The following ADD2 variants were observed in gnomAD, a reference collection of about 807,000 sequenced individuals.
ADD2 encodes adducin 2, also known as beta-adducin.
ADD2 carries 23 observed loss-of-function variants against 83.0 expected under a neutral mutation model. That is an observed-to-expected ratio of 0.28 (90% CI 0.20 to 0.39). ADD2 has a LOEUF of 0.39. Among genes scored for constraint, ADD2 ranks in the 10% least tolerant of loss-of-function variants. The pLI is 1.00. For synonymous variants in ADD2, 375 were observed against 375.4 expected (o/e 1.00, Z 0.01); for missense variants, 758 against 944.9 (o/e 0.80, Z 2.59).
At chr2:70,720,294 G>A (rs1672672704) in intron 1 of ADD2, among the ~76,000 whole-genome samples, 1 of 152,150 alleles carries the variant, frequency 6.6e-6, no homozygotes, top group South Asian at 2.1e-4. Context: ...CCCAGAGAGA[G>A]GAGATGGTGG....
chr2:70,696,165 G>A (rs1671297143), intron 5 of ADD2, 80 bp downstream of exon 5: 6 of 1,530,688 alleles, frequency 3.9e-6, no homozygotes, highest in Non-Finnish European at 5.3e-6. Flanking sequence ...CCATGGCCAT[G>A]CCAAGGGTCA....
At chr2:70,722,923 T>C (rs2104442791) in intron 1 of ADD2, among the ~76,000 whole-genome samples, 1 of 152,328 alleles carries the variant, frequency 6.6e-6, no homozygotes, top group East Asian at 1.9e-4. Flanking sequence ...CTAGTTCCCA[T>C]CCCCTATATT....
chr2:70,744,298 T>C (rs1202274841), intron 1 of ADD2, among the ~76,000 whole-genome samples: 1 of 152,244 alleles, frequency 6.6e-6, no homozygotes, highest in Non-Finnish European at 1.5e-5. Flanking sequence ...TGGGCAATTA[T>C]GTAACAGAAT....
intron 1 of ADD2, among the ~76,000 whole-genome samples, chr2:70,720,387 C>A (rs1006753615): frequency 3.2e-5 from 4 of 124,438 alleles, no homozygotes; most frequent in Non-Finnish European, 5.0e-5. Flanking sequence ...CATGTGGAGA[C>A]ATCTCAAAAG....
intron 14 of ADD2, among the ~76,000 whole-genome samples, chr2:70,674,034 A>G (rs1416743050): frequency 2.0e-5 from 3 of 152,120 alleles, no homozygotes; most frequent in African/African-American, 4.8e-5. Flanking sequence ...TGTGTCTCAG[A>G]CCCCAAGTGG....
chr2:70,674,785 G>A lies in ADD2; in HGVS notation c.1634C>T (p.Thr545Ile). Residue 545 changes from threonine (T) to isoleucine (I), a missense_variant, in exon 14 of 16, where the codon ACC becomes ATC. By Grantham distance (89) the Thr-to-Ile change is moderately conservative. Coordinates refer to ENST00000264436, the MANE Select transcript of ADD2 (RefSeq NM_001617.4). The stretch of plus-strand genomic sequence containing the variant: ...CACCGTCTCCTCTGAATCGTCTTTG[G>A]TATCCTCGTCTCCCTTGGACATCAG... The part of the protein sequence containing the change: ...SQLMSKGDED[T>I]KDDSEETVPN... 2 of 1,614,094 alleles carry A rather than the reference G, an allele frequency of 1.2e-6. No individual in the cohort carries two copies. The highest frequency in any genetic ancestry group is 1.7e-6 in the Non-Finnish European group (2 of 1,180,008).
intron 1 of ADD2, among the ~76,000 whole-genome samples, chr2:70,764,470 C>T (rs2104570408): frequency 6.6e-6 from 1 of 151,968 alleles, no homozygotes; most frequent in South Asian, 2.1e-4. Context: ...ACTATTCCAA[C>T]TCCCCTTCCC....
chr2:70,692,296 C>A, intron 7 of ADD2, 107 bp downstream of exon 7: 1 of 1,306,334 alleles, frequency 7.7e-7, no homozygotes, highest in Non-Finnish European at 1.0e-6. Flanking sequence ...TCTCGCTTCA[C>A]CTTGGCCTGA....
intron 8 of ADD2, 92 bp from the exon 9 acceptor site, chr2:70,688,214 AC>A: frequency 9.8e-7 from 1 of 1,018,518 alleles, no homozygotes; most frequent in Admixed American, 2.2e-5. Context: ...ATCAACTTCC[AC>A]AACCAATCCC....
chr2:70,695,934 C>A (rs143170385), intron 5 of ADD2, 133 bp from the exon 6 acceptor site: 34 of 773,962 alleles, frequency 4.4e-5, no homozygotes, highest in East Asian at 8.1e-5. Context: ...ATCTCTCCCC[C>A]CCAGCCATAA....
chr2:70,747,660 G>A (rs1553382267), intron 1 of ADD2, among the ~76,000 whole-genome samples: 2 of 152,206 alleles, frequency 1.3e-5, no homozygotes, highest in African/African-American at 4.8e-5. Flanking sequence ...CCACAGCATA[G>A]TCACTCAGGC....
rs1553365375 is a variant in ADD2, at chr2:70,663,282, CG to C, written c.*142del. On this transcript the variant is annotated 3_prime_UTR_variant, in exon 16 of 16. Coordinates refer to ENST00000264436, the MANE Select transcript of ADD2 (RefSeq NM_001617.4). ...GGCAACTGTAAAACGAAGGGTTGGT[CG>C]GGTGATCTCTAAGTTCCCCTTCCGA... The C allele has an allele frequency of 1.1e-6, 1 of 951,610 alleles. No individual in the cohort carries two copies. The highest frequency in any genetic ancestry group is 1.7e-5 in the African/African-American group (1 of 60,482). 58.9% of individuals were successfully genotyped at this position (951,610 alleles called of 1,614,324 possible).
intron 15 of ADD2, among the ~76,000 whole-genome samples, chr2:70,664,955 C>T (rs965312470): frequency 6.6e-6 from 1 of 151,470 alleles, no homozygotes; most frequent in African/African-American, 2.4e-5. Flanking sequence ...TGTGAGTGCA[C>T]ATGAGCATAT....
intron 7 of ADD2, among the ~76,000 whole-genome samples, chr2:70,691,241 A>G (rs1485365775): frequency 8.5e-5 from 13 of 152,130 alleles, no homozygotes; most frequent in Non-Finnish European, 1.6e-4. Context: ...CCCACCTCAC[A>G]CACAGCTTTG....
intron 15 of ADD2, among the ~76,000 whole-genome samples, chr2:70,670,346 G>C (rs781873417): frequency 3.3e-5 from 5 of 152,232 alleles, no homozygotes; most frequent in Admixed American, 6.5e-5. Flanking sequence ...CCATCCAGCA[G>C]TGTTTTTAAA....
chr2:70,746,442 G>C (rs1674199314), intron 1 of ADD2, among the ~76,000 whole-genome samples: 1 of 152,154 alleles, frequency 6.6e-6, no homozygotes, highest in Non-Finnish European at 1.5e-5. Context: ...AACATTCATG[G>C]GACCAGGCAC....
In ADD2 at chr2:70,768,133, C is replaced by G; in HGVS notation, c.-401G>C. 1.5e-6 allele frequency: 1 copy of G among 659,116 alleles called. No individual in the cohort carries two copies. 40.8% of individuals were successfully genotyped at this position (659,116 alleles called of 1,614,324 possible). ...TTCCTTGACAAAAGGCTCGGGTTCC[C>G]GCTAGTCCCTCACAGCCCTGCCGTC... On this transcript the variant is annotated 5_prime_UTR_variant, in exon 1 of 16. Transcript: ENST00000264436.
chr2:70,767,631 G>T, intron 1 of ADD2: 17 of 1,307,600 alleles, frequency 1.3e-5, no homozygotes, highest in Non-Finnish European at 1.4e-5. Flanking sequence ...CCGGGCGAGG[G>T]TCCCACCATC....
chr2:70,675,899 C>T lies in ADD2; in HGVS notation c.1593+897G>A, dbSNP rs181643366. The stretch of plus-strand genomic sequence containing the variant: ...CTCATTGTAATGAACTCTCACCTCC[C>T]GCCAGAACATGGCTATTTCTATACT... On this transcript the variant is annotated intron_variant, in intron 13 of 15. Transcript: ENST00000264436. The T allele has an allele frequency of 3.9e-5, 38 of 985,326 alleles. No individual in the cohort carries two copies. The African/African-American group carries it at 4.7e-4, about 12-fold the overall frequency. The allele number at this position is 985,326 out of a possible 1,614,324, so 61.0% of individuals were successfully genotyped here.
Sources: allele counts gnomAD v4.1 joint callset (sites outside exome capture counted in the v4.1 genomes callset), GRCh38; gene constraint gnomAD v4.1.1; transcripts MANE v1.5; gene names NCBI Gene and HGNC (gene_info 2026-07-23, HGNC 2026-07-21).